Variants in STXBP5L observed in about 807,000 individuals in gnomAD.
STXBP5L encodes the protein syntaxin-binding protein 5-like.
Under a neutral mutation model 144.5 loss-of-function variants are expected in STXBP5L, and 65 were observed. The ratio of observed to expected loss-of-function variants is 0.45; its 90% CI spans 0.37 to 0.55. The LOEUF (loss-of-function observed/expected upper bound fraction) is 0.55, where lower values mean the gene tolerates loss of function less well. Among genes scored for constraint, STXBP5L ranks in the 20% least tolerant of loss-of-function variants. The pLI, the probability that STXBP5L is intolerant of heterozygous loss-of-function variation, is 0.00. For missense variants in STXBP5L, 1,298 were observed against 1,405.5 expected, an observed-to-expected ratio of 0.92 and a Z score of 1.22; for synonymous variants, 505 against 469.6, an observed-to-expected ratio of 1.08 and a Z score of -0.97.
At chr3:121,057,960 TTTG>T (rs927095761) in intron 5 of STXBP5L, among the ~76,000 whole-genome samples, 13 of 151,402 alleles carry the variant, frequency 8.6e-5, no homozygotes, top group East Asian at 3.9e-4. Context: ...ATTTATGTTT[TTTG>T]TTGTTGTTGT....
chr3:121,093,688 C>T (rs866114114), intron 5 of STXBP5L, among the ~76,000 whole-genome samples: 1 of 151,668 alleles, frequency 6.6e-6, no homozygotes, highest in Admixed American at 6.6e-5. Flanking sequence ...TCTTGCTAGC[C>T]GTCTATCAAT....
rs80192043 is a variant in STXBP5L at position 121,065,849 on chromosome 3, G to T, written c.470+20314G>T. ...AAGGATCTTTATTCAAGCTCATTTTGTTGTTGGTAGCATTCATATCCCTTG... is the reference window on the plus strand; with the variant it reads ...AAGGATCTTTATTCAAGCTCATTTTTTTGTTGGTAGCATTCATATCCCTTG... On this transcript the variant is annotated intron_variant, in intron 5 of 26. Coordinates refer to ENST00000471454, the MANE Select transcript of STXBP5L (RefSeq NM_001308330.2). Among the ~76,000 whole-genome samples the T allele has an allele frequency of 7.7e-4, 118 of 152,294 alleles. 1 individual carries two copies. In the East Asian group the frequency reaches 0.022, roughly 29 times the overall value.
intron 9 of STXBP5L, among the ~76,000 whole-genome samples, chr3:121,163,687 G>A (rs1170920447): frequency 6.6e-6 from 1 of 151,734 alleles, no homozygotes; most frequent in Non-Finnish European, 1.5e-5. Context: ...TAAACAAGAA[G>A]TACTGGTTAA....
chr3:121,233,458 T>A (rs2049371077), intron 11 of STXBP5L, among the ~76,000 whole-genome samples, 158 bp from the exon 12 acceptor site: 1 of 152,190 alleles, frequency 6.6e-6, no homozygotes, highest in Non-Finnish European at 1.5e-5. Context: ...GAAGCACAAC[T>A]TTTTTTAAGT....
intron 19 of STXBP5L, among the ~76,000 whole-genome samples, chr3:121,304,440 A>G (rs919616401): frequency 2.0e-5 from 3 of 152,176 alleles, no homozygotes; most frequent in African/African-American, 7.2e-5. Flanking sequence ...TCATGTAAAC[A>G]CGTAACATTC....
At chr3:121,271,318 T>C (rs895028579) in intron 18 of STXBP5L, among the ~76,000 whole-genome samples, 1 of 152,218 alleles carries the variant, frequency 6.6e-6, no homozygotes, top group Non-Finnish European at 1.5e-5. Flanking sequence ...TGGAACCCCA[T>C]CAAAATGGCT....
At chr3:120,971,814 C>T (rs1317876634) in intron 3 of STXBP5L, among the ~76,000 whole-genome samples, 2 of 150,684 alleles carry the variant, frequency 1.3e-5, no homozygotes, top group African/African-American at 4.9e-5. Context: ...ATATATATGT[C>T]TGTGCCATGG....
intron 20 of STXBP5L, among the ~76,000 whole-genome samples, chr3:121,318,818 G>C (rs990859601): frequency 1.3e-5 from 2 of 152,094 alleles, no homozygotes; most frequent in African/African-American, 4.8e-5. Flanking sequence ...CATTAATAAT[G>C]CTTACTAAGT....
chr3:121,072,172 A>G (rs976920975), intron 5 of STXBP5L, among the ~76,000 whole-genome samples: 12 of 152,234 alleles, frequency 7.9e-5, no homozygotes, highest in Admixed American at 2.0e-4. Context: ...GATTCTGGTT[A>G]CTTCCTGAGC....
chr3:120,989,344 G>A (rs73187403), intron 3 of STXBP5L, among the ~76,000 whole-genome samples: 3,767 of 152,228 alleles, frequency 0.025, 59 homozygotes, highest in Middle Eastern at 0.048. Flanking sequence ...GTGTAAGATG[G>A]TATCTCGCTG....
intron 3 of STXBP5L, among the ~76,000 whole-genome samples, chr3:121,006,379 G>A (rs1944305765): frequency 6.6e-6 from 1 of 151,380 alleles, no homozygotes; most frequent in East Asian, 1.9e-4. Context: ...TGCAATCCCT[G>A]CCTTTTTTTG....
chr3:121,274,741 A>ATTTGATGTCTG, intron 18 of STXBP5L, among the ~76,000 whole-genome samples: 1 of 152,162 alleles, frequency 6.6e-6, no homozygotes, highest in Non-Finnish European at 1.5e-5. Context: ...TTGCCTATAG[A>ATTTGATGTCTG]GTGAGAACCT....
intron 20 of STXBP5L, among the ~76,000 whole-genome samples, chr3:121,349,443 G>C (rs1056948617): frequency 6.6e-6 from 1 of 151,964 alleles, no homozygotes; most frequent in Non-Finnish European, 1.5e-5. Flanking sequence ...TGTTGATTTG[G>C]GGTGGAGAGT....
chr3:120,998,626 CGTG>C (rs966896551), intron 3 of STXBP5L, among the ~76,000 whole-genome samples: 19 of 152,008 alleles, frequency 1.2e-4, no homozygotes, highest in African/African-American at 4.3e-4. Context: ...AGTGAGAACA[CGTG>C]GTGTTTGGTT....
intron 10 of STXBP5L, among the ~76,000 whole-genome samples, chr3:121,217,992 A>G (rs544104084): frequency 8.2e-5 from 12 of 145,472 alleles, no homozygotes; most frequent in South Asian, 6.3e-4. Context: ...AGCTATTACT[A>G]TATAATATAT....
intron 9 of STXBP5L, among the ~76,000 whole-genome samples, chr3:121,183,899 C>G (rs919655895): frequency 1.3e-5 from 2 of 152,054 alleles, no homozygotes; most frequent in Non-Finnish European, 2.9e-5. Context: ...CTGCAGCCTC[C>G]GCTGGTGATA....
intron 7 of STXBP5L, among the ~76,000 whole-genome samples, chr3:121,139,020 G>A (rs946238978): frequency 6.6e-6 from 1 of 151,890 alleles, no homozygotes; most frequent in Non-Finnish European, 1.5e-5. Flanking sequence ...CATATTGGAG[G>A]GTTAAACAGA....
At chr3:120,971,855 C>T (rs1397453605) in intron 3 of STXBP5L, among the ~76,000 whole-genome samples, 2 of 150,824 alleles carry the variant, frequency 1.3e-5, no homozygotes, top group Non-Finnish European at 3.0e-5. Flanking sequence ...TTATAATATC[C>T]ATGCGCACAC....
chr3:120,909,303 G>A (rs554760229), intron 1 of STXBP5L: 5 of 343,288 alleles, frequency 1.5e-5, no homozygotes, highest in Non-Finnish European at 1.6e-5. Flanking sequence ...TTACAGCTGG[G>A]GATACAGTCC....
Sources: allele counts gnomAD v4.1 joint callset (sites outside exome capture counted in the v4.1 genomes callset), GRCh38; gene constraint gnomAD v4.1.1; transcripts MANE v1.5; gene names NCBI Gene and HGNC (gene_info 2026-07-23, HGNC 2026-07-21).